The following SNRPA1 variants were observed in gnomAD, a reference collection of about 807,000 sequenced individuals.
SNRPA1 encodes U2 small nuclear ribonucleoprotein A'.
In SNRPA1, 5 loss-of-function variants were observed where a neutral mutation model predicts 32.3. That is an observed-to-expected ratio of 0.15 (90% CI 0.08 to 0.33). The LOEUF (loss-of-function observed/expected upper bound fraction) is 0.33, where lower values mean the gene tolerates loss of function less well. SNRPA1 is among the 10% of genes least tolerant of loss of function. The pLI is 1.00. For missense variants in SNRPA1, 198 were observed against 311.1 expected, an observed-to-expected ratio of 0.64 and a Z score of 2.74; for synonymous variants, 111 against 120.1, an observed-to-expected ratio of 0.92 and a Z score of 0.50.
At chr15:101,291,483 T>C (rs2039525303) in intron 3 of SNRPA1, among the ~76,000 whole-genome samples, 1 of 151,920 alleles carries the variant, frequency 6.6e-6, no homozygotes, top group South Asian at 2.1e-4. Context: ...CGTTATCATT[T>C]CAACATCGAT....
rs762941246 is a variant in SNRPA1 at position 101,287,697 on chromosome 15, A to G, written c.315T>C (p.Asp105=). The change falls in exon 4 of 9, where the codon GAT becomes GAC. Residue 105 remains aspartate (D), a synonymous_variant. Transcript: ENST00000254193. ...ATTTGAGAGATGCCAGAGGGTCCAG[A>G]TCACCCTGTCAAGCAATAGCCACAG... ...LTNNSLVELG[D]LDPLASLKSL... The G allele has an allele frequency of 2.5e-6, 4 of 1,613,952 alleles. No individual in the cohort carries two copies. The highest frequency in any genetic ancestry group is 1.6e-4 in the Middle Eastern group (1 of 6,062).
chr15:101,290,340 A>G (rs2039508790), intron 3 of SNRPA1, among the ~76,000 whole-genome samples: 1 of 152,202 alleles, frequency 6.6e-6, no homozygotes, highest in East Asian at 1.9e-4. Flanking sequence ...TAATTTCTCT[A>G]ACAGCACCTA....
chr15:101,290,121 A>C (rs2039505581), intron 3 of SNRPA1, among the ~76,000 whole-genome samples: 1 of 152,130 alleles, frequency 6.6e-6, no homozygotes, highest in Non-Finnish European at 1.5e-5. Flanking sequence ...GTCACAACAT[A>C]ATAAAAAGTT....
intron 8 of SNRPA1, among the ~76,000 whole-genome samples, chr15:101,282,753 C>T (rs940877419): frequency 5.3e-5 from 8 of 152,196 alleles, no homozygotes; most frequent in African/African-American, 1.9e-4. Flanking sequence ...TTCACATGCA[C>T]ATAACATTAC....
chr15:101,283,324 G>A (rs1272238259), intron 8 of SNRPA1, among the ~76,000 whole-genome samples: 1 of 151,974 alleles, frequency 6.6e-6, no homozygotes, highest in Non-Finnish European at 1.5e-5. Flanking sequence ...CAAGGCGGGT[G>A]GATCATGAGG....
chr15:101,286,989 G>C lies in SNRPA1; in HGVS notation c.378C>G (p.Thr126=). The change falls in exon 5 of 9, where the codon ACC becomes ACG. Residue 126 remains threonine (T), a synonymous_variant. Transcript: ENST00000254193. ...CATACAATCTGTAATGCTTCTTATT[G>C]GTTACCGGATTTCTTAGGATACTAC... The part of the protein sequence containing the change: ...TYLSILRNPV[T]NKKHYRLYVI... 9 of 1,602,044 alleles carry C rather than the reference G, an allele frequency of 5.6e-6. No homozygotes were observed. Among genetic ancestry groups the C allele is most frequent in the Non-Finnish European group, 7.7e-6 (9 of 1,170,078 alleles).
chr15:101,281,926 C>T (rs2039399639), intron 8 of SNRPA1, 144 bp from the exon 9 acceptor site: 7 of 745,792 alleles, frequency 9.4e-6, no homozygotes, highest in Non-Finnish European at 1.6e-5. Context: ...CTTTGAGGAG[C>T]TTATCGTCCA....
chr15:101,291,911 T>A, intron 3 of SNRPA1, 51 bp downstream of exon 3: 2 of 1,151,836 alleles, frequency 1.7e-6, no homozygotes, highest in Non-Finnish European at 2.6e-6. Flanking sequence ...AGGAAGCACA[T>A]AGTACCTTTA....
intron 2 of SNRPA1, among the ~76,000 whole-genome samples, chr15:101,292,622 A>G (rs1301594411): frequency 6.6e-6 from 1 of 152,174 alleles, no homozygotes; most frequent in Non-Finnish European, 1.5e-5. Context: ...CGCTCAGTCA[A>G]AAGTATAATT....
At chr15:101,294,935 A>G in intron 1 of SNRPA1, 162 bp downstream of exon 1, 1 of 482,008 alleles carries the variant, frequency 2.1e-6, no homozygotes, top group Non-Finnish European at 3.7e-6. Context: ...TCATCTGGCA[A>G]CAACGGCAAG....
intron 2 of SNRPA1, among the ~76,000 whole-genome samples, chr15:101,292,470 T>A (rs2039536925): frequency 6.6e-6 from 1 of 152,152 alleles, no homozygotes; most frequent in African/African-American, 2.4e-5. Flanking sequence ...CCAGTACCTT[T>A]AAAGACATTA....
intron 8 of SNRPA1, among the ~76,000 whole-genome samples, chr15:101,283,947 G>GA (rs2039425668): frequency 6.6e-6 from 1 of 152,110 alleles, no homozygotes; most frequent in African/African-American, 2.4e-5. Context: ...ACTCAAAAAG[G>GA]AAAAAAATGT....
chr15:101,287,744 G>C (rs542108464), intron 3 of SNRPA1, 42 bp from the exon 4 acceptor site: 1 of 1,569,564 alleles, frequency 6.4e-7, no homozygotes. Flanking sequence ...AATACCACAC[G>C]CTATTTTGAG....
chr15:101,293,410 C>A, intron 1 of SNRPA1: 1 of 361,152 alleles, frequency 2.8e-6, no homozygotes. Flanking sequence ...ACAACAAGGA[C>A]AAGGACAATA....
intron 8 of SNRPA1, among the ~76,000 whole-genome samples, chr15:101,283,561 G>A (rs912391974): frequency 2.0e-5 from 3 of 150,756 alleles, no homozygotes; most frequent in Non-Finnish European, 4.4e-5. Flanking sequence ...GCGAGACTCC[G>A]TCTCAAAACA....
chr15:101,292,984 T>C (rs373329968), intron 2 of SNRPA1, 41 bp downstream of exon 2: 4 of 1,460,696 alleles, frequency 2.7e-6, no homozygotes, highest in South Asian at 2.9e-5. Flanking sequence ...CTGCAACATT[T>C]ACTCTAGGGG....
chr15:101,282,702 T>G (rs2039410315), intron 8 of SNRPA1, among the ~76,000 whole-genome samples: 2 of 152,216 alleles, frequency 1.3e-5, no homozygotes, highest in African/African-American at 4.8e-5. Context: ...TTCCAAACGT[T>G]GAGCCATGTA....
chr15:101,291,917 C>A, intron 3 of SNRPA1, 45 bp downstream of exon 3: 1 of 1,294,512 alleles, frequency 7.7e-7, no homozygotes, highest in South Asian at 1.2e-5. Flanking sequence ...CACATAGTAC[C>A]TTTAACCCCA....
At chr15:101,289,165 A>G (rs1436800942) in intron 3 of SNRPA1, among the ~76,000 whole-genome samples, 1 of 152,226 alleles carries the variant, frequency 6.6e-6, no homozygotes, top group Admixed American at 6.5e-5. Context: ...AATAAAGAAC[A>G]AAGTGGTAAC....
Sources: allele counts gnomAD v4.1 joint callset (sites outside exome capture counted in the v4.1 genomes callset), GRCh38; gene constraint gnomAD v4.1.1; transcripts MANE v1.5; gene names NCBI Gene and HGNC (gene_info 2026-07-23, HGNC 2026-07-21).